ARAP2: variants seen among roughly 807,000 people sequenced by gnomAD.
ARAP2 encodes the protein arf-GAP with Rho-GAP domain, ANK repeat and PH domain-containing protein 2.
In ARAP2, 148 loss-of-function variants were observed where a neutral mutation model predicts 194.5. That is an observed-to-expected ratio of 0.76 (90% CI 0.67 to 0.87). The LOEUF is 0.87. Ranked by LOEUF, ARAP2 falls within the 40% of genes least tolerant of loss-of-function variation. ARAP2 has a pLI of 0.00. For missense variants in ARAP2, 2,128 were observed against 1,989.7 expected (o/e 1.07, Z -1.32); for synonymous variants, 695 against 683.5 (o/e 1.02, Z -0.26).
chr4:36,149,232 A>G (rs1284858969), intron 16 of ARAP2, among the ~76,000 whole-genome samples: 1 of 152,086 alleles, frequency 6.6e-6, no homozygotes, highest in Admixed American at 6.5e-5. Flanking sequence ...CTAATTTAGA[A>G]GCATCACAAT....
chr4:36,102,489 T>C (rs1717220626), intron 27 of ARAP2, among the ~76,000 whole-genome samples: 1 of 152,028 alleles, frequency 6.6e-6, no homozygotes, highest in African/African-American at 2.4e-5. Context: ...TTATTCAATA[T>C]GTACTTTTAG....
rs6848886 is a variant in ARAP2 at position 36,030,796 on chromosome 4, C to T, written n.608-11510G>A. On this transcript the variant is annotated intron_variant and non_coding_transcript_variant, in intron 5 of 12. Transcript: ENST00000503225. ...GTCAACTCTTGTTTGACATTGTCTA[C>T]GTTTTTTTTTTTTTTTTTTTTGGTA... Among the ~76,000 whole-genome samples, 38 of 28,434 alleles carry T rather than the reference C, an allele frequency of 1.3e-3. 1 individual carries two copies. Among genetic ancestry groups the T allele is most frequent in the Non-Finnish European group, 3.3e-3 (32 of 9,566 alleles). The allele number at this position is 28,434 out of a possible 152,430, so 18.7% of individuals were successfully genotyped here.
chr4:36,156,529 G>GAAGA (rs1207135518), intron 15 of ARAP2, among the ~76,000 whole-genome samples: 1 of 151,128 alleles, frequency 6.6e-6, no homozygotes, highest in African/African-American at 2.4e-5. Context: ...AGGAAGGAAG[G>GAAGA]AAAACAAAGA....
chr4:36,064,145 G>C (rs1724950996), downstream of ARAP2, among the ~76,000 whole-genome samples: 1 of 151,562 alleles, frequency 6.6e-6, no homozygotes, highest in Non-Finnish European at 1.5e-5. Context: ...TAGGGCTACA[G>C]AAATAAAATT....
Position 36,124,843 on chromosome 4 carries a change from A to G in ARAP2, c.3746+19T>C. On this transcript the variant is annotated intron_variant, in intron 22 of 32. Coordinates refer to ENST00000303965, the MANE Select transcript of ARAP2 (RefSeq NM_015230.4). ...GTGCTGTGTTTGAAATGTCGAGAAA[A>G]GTTCATTCATCTACCCACCTATACA... The G allele has an allele frequency of 6.7e-7, 1 of 1,492,676 alleles. No individual in the cohort carries two copies. The highest frequency in any genetic ancestry group is 9.2e-7 in the Non-Finnish European group (1 of 1,084,626). 92.5% of individuals were successfully genotyped at this position (1,492,676 alleles called of 1,614,324 possible).
At chr4:36,128,808 T>C (rs1272064251) in intron 20 of ARAP2, 63 bp from the exon 21 acceptor site, 2 of 1,312,562 alleles carry the variant, frequency 1.5e-6, no homozygotes, top group Non-Finnish European at 2.1e-6. Context: ...TTTGATATTT[T>C]AAAAACAAAA....
chr4:36,115,125 A>C (rs57143053), intron 25 of ARAP2, among the ~76,000 whole-genome samples: 47,010 of 151,884 alleles, frequency 0.31, 8,343 homozygotes, highest in East Asian at 0.47. Context: ...ATTTCTCTTG[A>C]CCATAATTAC....
rs111769763 is a variant in ARAP2, at chr4:36,213,139, T to C, written c.1041+104A>G. ...GCTGACTGGAAATTTCAATCTTCAATATAATGCCATTCTTCAAATAGCTTG... is the reference window on the plus strand; with the variant it reads ...GCTGACTGGAAATTTCAATCTTCAACATAATGCCATTCTTCAAATAGCTTG... On this transcript the variant is annotated intron_variant, in intron 4 of 32. Transcript: ENST00000303965. 1.3e-4 allele frequency: 121 copies of C among 904,118 alleles called. No homozygotes were observed. The African/African-American group carries it at 1.8e-3, about 13-fold the overall frequency. The allele number at this position is 904,118 out of a possible 1,614,324, so 56.0% of individuals were successfully genotyped here.
chr4:36,172,465 TA>T (rs1736878073), intron 9 of ARAP2, among the ~76,000 whole-genome samples: 1 of 152,242 alleles, frequency 6.6e-6, no homozygotes, highest in Non-Finnish European at 1.5e-5. Context: ...ATCTTCAATA[TA>T]AATATTTCCA....
chr4:36,009,415 C>G (rs1285084819), intron 9 of ARAP2, among the ~76,000 whole-genome samples: 1 of 152,006 alleles, frequency 6.6e-6, no homozygotes, highest in African/African-American at 2.4e-5. Flanking sequence ...AACACAGAAA[C>G]AGATAACCAA....
chr4:36,107,454 G>T, intron 27 of ARAP2, 111 bp downstream of exon 27: 1 of 1,136,238 alleles, frequency 8.8e-7, no homozygotes, highest in Non-Finnish European at 1.2e-6. Context: ...AGTTCATTCT[G>T]TATCTAGCTA....
intron 32 of ARAP2, among the ~76,000 whole-genome samples, chr4:36,073,430 G>T (rs780719085): frequency 1.9e-4 from 29 of 152,024 alleles, no homozygotes; most frequent in Non-Finnish European, 3.7e-4. Context: ...ATTTCTATAC[G>T]CATATTTTAA....
chr4:36,128,787 T>G, intron 20 of ARAP2, 42 bp from the exon 21 acceptor site: 1 of 1,464,350 alleles, frequency 6.8e-7, no homozygotes, highest in Non-Finnish European at 9.3e-7. Context: ...AAGTCTAAAT[T>G]CAAAAGCCAG....
In ARAP2 at chr4:36,068,072, G is replaced by A; in HGVS notation, c.4950C>T (p.Gly1650=). 6.2e-7 allele frequency: 1 copy of A among 1,614,062 alleles called. No individual in the cohort carries two copies. Among genetic ancestry groups the A allele is most frequent in the Non-Finnish European group, 8.5e-7 (1 of 1,179,970 alleles). The part of the protein sequence containing the change: ...EPEAPLGQPK[G]HKGLKTLRKT... ...TCCTCAATGTCTTTAGGCCTTTATG[G>A]CCTTTTGGTTGCCCAAGTGGGGCTT... Residue 1650 remains glycine, a synonymous_variant, in exon 33 of 33, where the codon GGC becomes GGT. Transcript: ENST00000303965.
intron 12 of ARAP2, among the ~76,000 whole-genome samples, chr4:36,161,170 C>T (rs535519056): frequency 1.1e-3 from 160 of 148,622 alleles, no homozygotes; most frequent in South Asian, 1.5e-3. Flanking sequence ...CACACACACA[C>T]ACACACACAC....
chr4:36,090,044 G>T (rs1360471505), intron 28 of ARAP2, among the ~76,000 whole-genome samples: 1 of 151,694 alleles, frequency 6.6e-6, no homozygotes, highest in Non-Finnish European at 1.5e-5. Context: ...GAGAATATTT[G>T]ATAAACACAA....
chr4:36,127,098 A>G (rs1171998042), intron 21 of ARAP2, among the ~76,000 whole-genome samples: 1 of 152,098 alleles, frequency 6.6e-6, no homozygotes, highest in Non-Finnish European at 1.5e-5. Flanking sequence ...GGCCTCCCAA[A>G]ATGCTGGGAT....
intron 8 of ARAP2, among the ~76,000 whole-genome samples, chr4:36,186,063 A>C (rs1740491674): frequency 6.6e-6 from 1 of 152,202 alleles, no homozygotes; most frequent in Admixed American, 6.5e-5. Context: ...TGTCTGGCAC[A>C]TATCAGGTAT....
At chr4:36,198,773 C>T (rs1387341556) in intron 6 of ARAP2, among the ~76,000 whole-genome samples, 3 of 152,176 alleles carry the variant, frequency 2.0e-5, no homozygotes, top group African/African-American at 2.4e-5. Flanking sequence ...TTTGAGCTTT[C>T]GTAGGTAGGG....
Sources: allele counts gnomAD v4.1 joint callset (sites outside exome capture counted in the v4.1 genomes callset), GRCh38; gene constraint gnomAD v4.1.1; transcripts MANE v1.5; gene names NCBI Gene and HGNC (gene_info 2026-07-23, HGNC 2026-07-21).